TMEM132B: variants seen among roughly 807,000 people sequenced by gnomAD.
TMEM132B encodes transmembrane protein 132B.
A neutral mutation model predicts 90.8 loss-of-function variants in TMEM132B; 18 were observed. The ratio of observed to expected loss-of-function variants is 0.20; its 90% CI spans 0.14 to 0.29. The LOEUF (loss-of-function observed/expected upper bound fraction) is 0.29. TMEM132B is among the 10% of genes least tolerant of loss of function. The probability of loss-of-function intolerance (pLI) is 1.00; values close to 1 mark genes in which losing one functional copy is unlikely to be tolerated. For missense variants in TMEM132B, 1,096 were observed against 1,326.8 expected (o/e 0.83, Z 2.70); for synonymous variants, 504 against 523.3 (o/e 0.96, Z 0.50).
intron 4 of TMEM132B, among the ~76,000 whole-genome samples, chr12:125,539,387 C>T (rs1883896635): frequency 6.6e-6 from 1 of 152,196 alleles, no homozygotes; most frequent in Non-Finnish European, 1.5e-5. Context: ...CCATCTTCTC[C>T]CCGCCCAGGT....
chr12:125,363,789 T>A (rs770817778), intron 2 of TMEM132B, among the ~76,000 whole-genome samples: 3 of 152,214 alleles, frequency 2.0e-5, no homozygotes, highest in Non-Finnish European at 4.4e-5. Flanking sequence ...GGGTTTGGAC[T>A]CAGGTCTTCC....
chr12:125,214,105 C>A (rs1873381510), intron 1 of TMEM132B, among the ~76,000 whole-genome samples: 1 of 152,112 alleles, frequency 6.6e-6, no homozygotes, highest in African/African-American at 2.4e-5. Context: ...GGAGCAGGAG[C>A]CATTAGGGTT....
intron 4 of TMEM132B, among the ~76,000 whole-genome samples, chr12:125,524,361 G>A (rs1592973610): frequency 6.6e-6 from 1 of 152,320 alleles, no homozygotes; most frequent in East Asian, 1.9e-4. Flanking sequence ...TTATCCTATT[G>A]ATTTGCCTGG....
At chr12:125,313,190 C>T (rs989218727) in intron 1 of TMEM132B, among the ~76,000 whole-genome samples, 9 of 152,134 alleles carry the variant, frequency 5.9e-5, no homozygotes, top group Middle Eastern at 3.4e-3. Context: ...GTCAGGGGCT[C>T]GTGATGATGA....
chr12:125,555,586 GA>G (rs1433363702), intron 4 of TMEM132B, among the ~76,000 whole-genome samples: 1 of 122,924 alleles, frequency 8.1e-6, no homozygotes, highest in Admixed American at 9.4e-5. Context: ...TGGGGGGAGG[GA>G]TAGCATTAGG....
At chr12:125,255,051 G>C (rs1327264333) in intron 1 of TMEM132B, among the ~76,000 whole-genome samples, 1 of 152,156 alleles carries the variant, frequency 6.6e-6, no homozygotes, top group Non-Finnish European at 1.5e-5. Context: ...CCTCCTCTTT[G>C]ATTTGATGAT....
At chr12:125,386,362 AGGAGAAAAAGTGCCT>A (rs1462607845) in intron 2 of TMEM132B, among the ~76,000 whole-genome samples, 1 of 152,208 alleles carries the variant, frequency 6.6e-6, no homozygotes, top group East Asian at 1.9e-4. Flanking sequence ...ATGGCTTTCA[AGGAGAAAAAGTGCCT>A]GGTTACGTAT....
intron 1 of TMEM132B, among the ~76,000 whole-genome samples, chr12:125,338,432 C>T (rs1489825071): frequency 1.3e-5 from 2 of 152,158 alleles, no homozygotes; most frequent in Non-Finnish European, 2.9e-5. Context: ...AGGGTTAACT[C>T]AGTGTCGAGG....
At chr12:125,255,285 T>TTC (rs151173221) in intron 1 of TMEM132B, among the ~76,000 whole-genome samples, 46 of 149,882 alleles carry the variant, frequency 3.1e-4, no homozygotes, top group African/African-American at 8.8e-4. Flanking sequence ...CTTTCTTTCT[T>TTC]TCTCTCTCTC....
In TMEM132B at chr12:125,213,267, G is replaced by A. The variant is rs896210839; in HGVS notation, c.67+26401G>A. Among the ~76,000 whole-genome samples, 1 of 152,132 alleles carries A rather than the reference G, an allele frequency of 6.6e-6. No homozygotes were observed. Among genetic ancestry groups the A allele is most frequent in the African/African-American group, 2.4e-5 (1 of 41,406 alleles). On this transcript the variant is annotated intron_variant, in intron 1 of 8. Coordinates refer to ENST00000682704, the MANE Select transcript of TMEM132B (RefSeq NM_001366854.1). The surrounding 1 kb of genome is among the most constrained non-coding windows in gnomAD (Gnocchi z 4.2). The stretch of plus-strand genomic sequence containing the variant: ...TGTCAGTGCTATGCTCCTTTTTATG[G>A]TTGAATCATCTTCCATTGTCTATCG...
intron 1 of TMEM132B, among the ~76,000 whole-genome samples, chr12:125,247,764 G>A (rs962235254): frequency 6.6e-6 from 1 of 152,200 alleles, no homozygotes; most frequent in Non-Finnish European, 1.5e-5. Context: ...CCTGGGATAG[G>A]CCTGACCTAT....
chr12:125,309,343 A>T (rs945795505), intron 1 of TMEM132B, among the ~76,000 whole-genome samples: 1 of 152,162 alleles, frequency 6.6e-6, no homozygotes, highest in Non-Finnish European at 1.5e-5. Flanking sequence ...GTAAGATTAG[A>T]TCTTTGCAGC....
intron 3 of TMEM132B, among the ~76,000 whole-genome samples, chr12:125,518,661 G>T (rs568881491): frequency 6.6e-6 from 1 of 152,274 alleles, no homozygotes; most frequent in South Asian, 2.1e-4. Context: ...AATGACAAGG[G>T]GCTCCCTGCA....
chr12:125,554,342 G>A (rs563061409), intron 4 of TMEM132B, among the ~76,000 whole-genome samples: 7 of 149,300 alleles, frequency 4.7e-5, no homozygotes, highest in East Asian at 2.0e-4. Context: ...GGAGAATGGC[G>A]TGAATCTGGG....
Position 125,651,043 on chromosome 12 carries a change from T to C in TMEM132B, c.1914+90T>C. On this transcript the variant is annotated intron_variant, in intron 7 of 8. Transcript: ENST00000682704. ...GTGCAGATGTGTGTCTGTGTGCACATGTGCATGTGGACATGTATATCAACG... is the reference window on the plus strand; with the variant it reads ...GTGCAGATGTGTGTCTGTGTGCACACGTGCATGTGGACATGTATATCAACG... 4 of 1,513,312 alleles carry C rather than the reference T, an allele frequency of 2.6e-6. No homozygotes were observed. The South Asian group carries it at 5.0e-5, about 19-fold the overall frequency. The allele number at this position is 1,513,312 out of a possible 1,614,324, so 93.7% of individuals were successfully genotyped here. A position where few individuals can be genotyped will look rare whatever the true frequency, so the allele number is the denominator to read the frequency against.
At chr12:125,470,600 T>G (rs533122427) in intron 3 of TMEM132B, among the ~76,000 whole-genome samples, 1 of 152,278 alleles carries the variant, frequency 6.6e-6, no homozygotes, top group South Asian at 2.1e-4. Context: ...CTTTATTAGC[T>G]GTATCCCAGT....
chr12:125,425,830 AGT>A (rs1880302494), intron 3 of TMEM132B, among the ~76,000 whole-genome samples: 1 of 152,212 alleles, frequency 6.6e-6, no homozygotes, highest in Non-Finnish European at 1.5e-5. Flanking sequence ...GATGGACCAC[AGT>A]TTATACATTT....
At chr12:125,205,882 C>T (rs767622434) in intron 1 of TMEM132B, among the ~76,000 whole-genome samples, 3 of 152,234 alleles carry the variant, frequency 2.0e-5, no homozygotes, top group South Asian at 2.1e-4. Context: ...TTTGTAGACA[C>T]GCTTTCAAGC....
intron 5 of TMEM132B, among the ~76,000 whole-genome samples, chr12:125,636,355 G>A (rs531123904): frequency 1.3e-5 from 2 of 152,168 alleles, no homozygotes; most frequent in Non-Finnish European, 1.5e-5. Context: ...CTCAGTGTCC[G>A]CTTCCTTCTT....
Sources: gnomAD v4.1 joint callset for allele counts (sites outside exome capture counted in the v4.1 genomes callset) on GRCh38, gnomAD v4.1.1 for gene constraint, Gnocchi (gnomAD v3.1) non-coding constraint, MANE v1.5 for transcripts, NCBI Gene and HGNC (gene_info 2026-07-23, HGNC 2026-07-21) for gene names.